The following SLC7A11 variants were observed in gnomAD, a reference collection of about 807,000 sequenced individuals.
SLC7A11 encodes the protein cystine/glutamate transporter.
SLC7A11 carries 35 observed loss-of-function variants against 54.5 expected under a neutral mutation model. That is an observed-to-expected ratio of 0.64 (90% CI 0.49 to 0.85). The LOEUF (loss-of-function observed/expected upper bound fraction) is 0.85. SLC7A11 is among the 40% of genes least tolerant of loss of function. The probability of loss-of-function intolerance (pLI) is 0.00; values close to 1 mark genes in which losing one functional copy is unlikely to be tolerated. For synonymous variants in SLC7A11, 230 were observed against 225.2 expected, an observed-to-expected ratio of 1.02 and a Z score of -0.19; for missense variants, 583 against 618.1, an observed-to-expected ratio of 0.94 and a Z score of 0.60.
chr4:138,180,178 A>G (rs1429428026), intron 10 of SLC7A11, among the ~76,000 whole-genome samples: 1 of 152,136 alleles, frequency 6.6e-6, no homozygotes, highest in Non-Finnish European at 1.5e-5. Flanking sequence ...AATATAGAGA[A>G]AGAGCAATGT....
In SLC7A11 at chr4:138,217,957, T is replaced by A. The variant is rs72933891; in HGVS notation, c.746+1309A>T. Among the ~76,000 whole-genome samples, 1,064 of 152,334 alleles carry A rather than the reference T, an allele frequency of 7.0e-3. 14 individuals carry two copies. The highest frequency in any genetic ancestry group is 0.023 in the African/African-American group (957 of 41,588). On this transcript the variant is annotated intron_variant, in intron 5 of 11. Transcript: ENST00000280612. ...TACTGAGTGATTCAAAACTAATGCTTACATATAATGGTTATAAAAATATTC... is the reference window on the plus strand; with the variant it reads ...TACTGAGTGATTCAAAACTAATGCTAACATATAATGGTTATAAAAATATTC...
intron 6 of SLC7A11, among the ~76,000 whole-genome samples, chr4:138,212,074 C>A (rs1316082451): frequency 6.6e-6 from 1 of 151,684 alleles, no homozygotes; most frequent in Non-Finnish European, 1.5e-5. Flanking sequence ...GTGATGAGTA[C>A]CCAATTATCC....
chr4:138,173,830 A>G (rs1361831880), intron 11 of SLC7A11, among the ~76,000 whole-genome samples: 1 of 152,194 alleles, frequency 6.6e-6, no homozygotes, highest in African/African-American at 2.4e-5. Flanking sequence ...TAAGTGCAGC[A>G]TAAGGGAGCA....
At chr4:138,233,063 C>A (rs1738119459) in intron 2 of SLC7A11, among the ~76,000 whole-genome samples, 1 of 151,832 alleles carries the variant, frequency 6.6e-6, no homozygotes, top group South Asian at 2.1e-4. Flanking sequence ...GGTAATACAT[C>A]TTTCTATTTT....
intron 6 of SLC7A11, among the ~76,000 whole-genome samples, chr4:138,200,459 TCTGACA>T (rs1217959119): frequency 6.6e-6 from 1 of 152,130 alleles, no homozygotes; most frequent in Admixed American, 6.6e-5. Context: ...ATTTTAATGC[TCTGACA>T]CATTTTTAAA....
chr4:138,224,793 G>C (rs1424264685), intron 3 of SLC7A11, among the ~76,000 whole-genome samples: 1 of 125,240 alleles, frequency 8.0e-6, no homozygotes, highest in Non-Finnish European at 1.7e-5. Flanking sequence ...GAAGGAAGAA[G>C]GAAAAGAAGG....
chr4:138,166,953 T>C lies in SLC7A11; in HGVS notation c.*5003A>G, dbSNP rs1198046850. 4 of 152,202 alleles carry C rather than the reference T, an allele frequency of 2.6e-5. No homozygotes were observed. Among genetic ancestry groups the C allele is most frequent in the Non-Finnish European group, 4.4e-5 (3 of 68,044 alleles). The allele number at this position is 152,202 out of a possible 1,614,324, so 9.4% of individuals were successfully genotyped here. On this transcript the variant is annotated 3_prime_UTR_variant, in exon 12 of 12. Coordinates refer to ENST00000280612, the MANE Select transcript of SLC7A11 (RefSeq NM_014331.4). ...GAATTTCCTGTGAGACTATGATTTA[T>C]GCTTTTGTGAATGTATACCTGATCT...
chr4:138,240,528 C>A (rs1200189415), intron 1 of SLC7A11, among the ~76,000 whole-genome samples: 1 of 148,228 alleles, frequency 6.7e-6, no homozygotes, highest in African/African-American at 2.5e-5. Context: ...GATCACACCA[C>A]TGCACTCCAG....
At chr4:138,172,539 G>A (rs1450306235) in intron 11 of SLC7A11, among the ~76,000 whole-genome samples, 4 of 152,056 alleles carry the variant, frequency 2.6e-5, no homozygotes, top group East Asian at 1.9e-4. Flanking sequence ...CTCAAAGTGC[G>A]GTCCCTGGAC....
At position 138,183,177 on chromosome 4, in the gene SLC7A11, T is replaced by A. The variant is rs370176856; in HGVS notation, c.1019+25A>T. 3.3e-6 allele frequency: 5 copies of A among 1,509,686 alleles called. No homozygotes were observed. The African/African-American group carries it at 6.9e-5, about 21-fold the overall frequency. 93.5% of individuals were successfully genotyped at this position (1,509,686 alleles called of 1,614,324 possible). A position where few individuals can be genotyped will look rare whatever the true frequency, so the allele number is the denominator to read the frequency against. The stretch of plus-strand genomic sequence containing the variant: ...CCAATCTCAAAAACAGAAATGTGTT[T>A]CTGGAAATACATGAACTCACTCACC... On this transcript the variant is annotated intron_variant, in intron 8 of 11. Transcript: ENST00000280612.
chr4:138,189,305 GAGA>G lies in SLC7A11; in HGVS notation c.792-4064_792-4062del, dbSNP rs1025905779. On this transcript the variant is annotated intron_variant, in intron 6 of 11. Coordinates refer to ENST00000280612, the MANE Select transcript of SLC7A11 (RefSeq NM_014331.4). ...TGTCATTTTAAATCGTTTGTGGAATGAGAAGGAGCATGGGCAAACAAAATTTAC... is the reference window on the plus strand; with the variant it reads ...TGTCATTTTAAATCGTTTGTGGAATGAGGAGCATGGGCAAACAAAATTTAC... Among the ~76,000 whole-genome samples, 5 of 152,244 alleles carry G rather than the reference GAGA, an allele frequency of 3.3e-5. No individual in the cohort carries two copies. The East Asian group carries it at 9.7e-4, about 29-fold the overall frequency.
chr4:138,235,770 C>G (rs991144164), intron 2 of SLC7A11, among the ~76,000 whole-genome samples: 1 of 151,968 alleles, frequency 6.6e-6, no homozygotes. Context: ...ACAATAAAAT[C>G]AAAAAAGACT....
At chr4:138,182,091 T>A (rs565996718) in intron 9 of SLC7A11, among the ~76,000 whole-genome samples, 1 of 152,036 alleles carries the variant, frequency 6.6e-6, no homozygotes, top group South Asian at 2.1e-4. Flanking sequence ...TGATGATGAT[T>A]TTTGCCCCAA....
At chr4:138,184,570 T>C (rs1329926589) in intron 7 of SLC7A11, among the ~76,000 whole-genome samples, 1 of 152,164 alleles carries the variant, frequency 6.6e-6, no homozygotes, top group African/African-American at 2.4e-5. Context: ...GTATCTTTAA[T>C]ATTCTGAGAA....
intron 6 of SLC7A11, among the ~76,000 whole-genome samples, chr4:138,213,162 T>G (rs2148438048): frequency 6.6e-6 from 1 of 152,148 alleles, no homozygotes; most frequent in Non-Finnish European, 1.5e-5. Context: ...AAGAACTAGC[T>G]CTTGGTAAAT....
intron 11 of SLC7A11, among the ~76,000 whole-genome samples, chr4:138,173,607 G>A (rs1036267343): frequency 9.3e-5 from 14 of 150,932 alleles, no homozygotes; most frequent in Admixed American, 2.0e-4. Context: ...ACACTCCAGC[G>A]TGGGCAACAA....
intron 5 of SLC7A11, among the ~76,000 whole-genome samples, chr4:138,217,507 T>C (rs1265279330): frequency 6.6e-6 from 1 of 152,182 alleles, no homozygotes; most frequent in Non-Finnish European, 1.5e-5. Flanking sequence ...CGGAGAAATT[T>C]TGCTCTACAT....
rs979024387 is a variant in SLC7A11, at chr4:138,166,909, C to T, written c.*5047G>A. ...GGTTGTAGAAAGGACAGTTATCTCA[C>T]GACATATGGAAAATTGGTGAATTTC... On this transcript the variant is annotated 3_prime_UTR_variant, in exon 12 of 12. Transcript: ENST00000280612. 9.9e-5 allele frequency: 15 copies of T among 152,054 alleles called. No homozygotes were observed. The highest frequency in any genetic ancestry group is 2.1e-4 in the South Asian group (1 of 4,818). The allele number at this position is 152,054 out of a possible 1,614,324, so 9.4% of individuals were successfully genotyped here. A position where few individuals can be genotyped will look rare whatever the true frequency, so the allele number is the denominator to read the frequency against.
In SLC7A11 at chr4:138,170,259, T is replaced by TATATACATATATATATATAC. The variant is rs1465595849; in HGVS notation, c.*1696_*1697insGTATATATATATATGTATAT. The TATATACATATATATATATAC allele has an allele frequency of 3.1e-5, 3 of 95,946 alleles. No homozygotes were observed. The East Asian group carries it at 9.2e-4, about 30-fold the overall frequency. 5.9% of individuals were successfully genotyped at this position (95,946 alleles called of 1,614,324 possible). On this transcript the variant is annotated 3_prime_UTR_variant, in exon 12 of 12. Coordinates refer to ENST00000280612, the MANE Select transcript of SLC7A11 (RefSeq NM_014331.4). Reference sequence around the variant, plus strand: ...GTGTGTGTGTGTGTGTGTATATATATATATATATATATACACACACACACA... The same window carrying TATATACATATATATATATAC: ...GTGTGTGTGTGTGTGTGTATATATATATATACATATATATATATACATATATATATATACACACACACACA...
Sources: gnomAD v4.1 joint callset for allele counts (sites outside exome capture counted in the v4.1 genomes callset) on GRCh38, gnomAD v4.1.1 for gene constraint, MANE v1.5 for transcripts, NCBI Gene and HGNC (gene_info 2026-07-23, HGNC 2026-07-21) for gene names.